The following CALN1 variants were observed in gnomAD, a reference collection of about 807,000 sequenced individuals.
CALN1 encodes calcium-binding protein 8.
In CALN1, 17 loss-of-function variants were observed where a neutral mutation model predicts 30.6. The observed-to-expected ratio is 0.56, with a 90% CI of 0.38 to 0.83. The LOEUF is 0.83. Ranked by LOEUF, CALN1 falls within the 40% of genes least tolerant of loss-of-function variation. CALN1 has a pLI of 0.00. For synonymous variants in CALN1, 156 were observed against 131.4 expected (o/e 1.19, Z -1.28); for missense variants, 291 against 354.9 (o/e 0.82, Z 1.45).
the CALN1 span, among the ~76,000 whole-genome samples, chr7:72,472,175 G>GAT: frequency 1.3e-5 from 2 of 152,122 alleles, no homozygotes; most frequent in Non-Finnish European, 2.9e-5. Context: ...CAGGAACATG[G>GAT]ATATTGAAAA....
chr7:72,424,498 C>T (rs958241424), intron 1 of CALN1, among the ~76,000 whole-genome samples: 1 of 152,158 alleles, frequency 6.6e-6, no homozygotes, highest in Non-Finnish European at 1.5e-5. Flanking sequence ...CATTTCAAGA[C>T]CATCTCATAC....
intron 2 of CALN1, among the ~76,000 whole-genome samples, chr7:72,382,701 G>C (rs765436132): frequency 6.6e-6 from 1 of 152,074 alleles, no homozygotes. Context: ...ACTTATACAT[G>C]AGAACATGCA....
At chr7:71,897,612 G>A (rs977331707) in intron 5 of CALN1, among the ~76,000 whole-genome samples, 1 of 152,188 alleles carries the variant, frequency 6.6e-6, no homozygotes, top group African/African-American at 2.4e-5. Flanking sequence ...GAAAAGGAAG[G>A]AAATTGAGCA....
chr7:72,241,559 A>T (rs999399545), intron 3 of CALN1, among the ~76,000 whole-genome samples: 1 of 152,106 alleles, frequency 6.6e-6, no homozygotes, highest in Non-Finnish European at 1.5e-5. Context: ...ATACAAAATT[A>T]GCCAGGCGTG....
chr7:72,015,815 T>C (rs1407684106), intron 5 of CALN1, among the ~76,000 whole-genome samples: 15 of 152,158 alleles, frequency 9.9e-5, no homozygotes, highest in Non-Finnish European at 2.2e-4. Context: ...TGAGAACCAC[T>C]GTTAACATGA....
At chr7:71,856,782 C>A (rs1358236416) in intron 5 of CALN1, among the ~76,000 whole-genome samples, 1 of 151,910 alleles carries the variant, frequency 6.6e-6, no homozygotes, top group Non-Finnish European at 1.5e-5. Context: ...TGGTGAAACC[C>A]CATCTCTACT....
At chr7:72,021,724 T>G (rs1800720011) in intron 5 of CALN1, among the ~76,000 whole-genome samples, 1 of 152,154 alleles carries the variant, frequency 6.6e-6, no homozygotes, top group Non-Finnish European at 1.5e-5. Context: ...GCACCTTCCC[T>G]CGGTGAGCTC....
intron 3 of CALN1, among the ~76,000 whole-genome samples, chr7:72,146,505 A>G (rs945161023): frequency 6.6e-6 from 1 of 152,192 alleles, no homozygotes; most frequent in Non-Finnish European, 1.5e-5. Flanking sequence ...ATGCTCATGG[A>G]TAGGAAGAAT....
chr7:71,971,853 G>A (rs1038049829), intron 5 of CALN1, among the ~76,000 whole-genome samples: 17 of 144,522 alleles, frequency 1.2e-4, no homozygotes, highest in Non-Finnish European at 2.4e-4. Context: ...AGCTGTGATT[G>A]CTCATAGCTC....
chr7:72,158,376 G>T (rs575123918), intron 3 of CALN1, among the ~76,000 whole-genome samples: 5 of 152,318 alleles, frequency 3.3e-5, no homozygotes, highest in African/African-American at 1.2e-4. Context: ...GTCCAGGCAG[G>T]AGATGAGTTT....
At chr7:72,285,495 G>A (rs947611423) in intron 2 of CALN1, among the ~76,000 whole-genome samples, 7 of 152,030 alleles carry the variant, frequency 4.6e-5, no homozygotes, top group East Asian at 1.9e-4. Flanking sequence ...TGCCCGCCTC[G>A]GCCTCCCAAA....
intron 2 of CALN1, among the ~76,000 whole-genome samples, chr7:72,388,675 CT>C (rs1805390843): frequency 6.6e-6 from 1 of 152,206 alleles, no homozygotes; most frequent in Admixed American, 6.5e-5. Flanking sequence ...TCTGTGCCCT[CT>C]CCCTAAAAGA....
chr7:72,073,776 T>TTCAACTTTCTGGAC (rs1469837263), intron 4 of CALN1, among the ~76,000 whole-genome samples: 1 of 151,902 alleles, frequency 6.6e-6, no homozygotes, highest in African/African-American at 2.4e-5. Flanking sequence ...TCACTGCAGT[T>TTCAACTTTCTGGAC]TCAACTTTCT....
chr7:72,412,291 G>C lies in CALN1; in HGVS notation c.-307C>G, dbSNP rs779412587. ...AAGCAGTAAGCTTTATTAAGAAGCA[G>C]GAAAGAAAAAAACACAAACTCAAGC... On this transcript the variant is annotated 5_prime_UTR_variant, in exon 1 of 7. Transcript: ENST00000395275. The C allele has an allele frequency of 6.6e-6, 1 of 152,096 alleles. No individual in the cohort carries two copies. Among genetic ancestry groups the C allele is most frequent in the Non-Finnish European group, 1.5e-5 (1 of 68,056 alleles). The allele number at this position is 152,096 out of a possible 1,614,324, so 9.4% of individuals were successfully genotyped here.
At chr7:71,911,401 G>T (rs1332816274) in intron 5 of CALN1, among the ~76,000 whole-genome samples, 1 of 152,094 alleles carries the variant, frequency 6.6e-6, no homozygotes, top group African/African-American at 2.4e-5. Context: ...AACCACGCTC[G>T]GTACTCATTG....
chr7:71,790,180 CAAAG>C lies in CALN1; in HGVS notation c.659-2282_659-2279del, dbSNP rs530499813. On this transcript the variant is annotated intron_variant, in intron 6 of 6. Coordinates refer to ENST00000395275, the MANE Select transcript of CALN1 (RefSeq NM_031468.4). ...AGAAAGAAAAAGAAAAAGAAAGAAT[CAAAG>C]AAAGAGAAAGAGAGAAACAAAGAAA... Among the ~76,000 whole-genome samples the C allele has an allele frequency of 4.4e-4, 60 of 135,450 alleles. No individual in the cohort carries two copies. The South Asian group carries it at 7.9e-3, about 18-fold the overall frequency. The allele number at this position is 135,450 out of a possible 152,430, so 88.9% of individuals were successfully genotyped here.
chr7:72,242,545 G>C (rs994162842), intron 3 of CALN1, among the ~76,000 whole-genome samples: 1 of 152,106 alleles, frequency 6.6e-6, no homozygotes, highest in Non-Finnish European at 1.5e-5. Context: ...AAAAGTAAAT[G>C]ATCATACCTT....
At chr7:72,298,882 G>A (rs535926994) in intron 2 of CALN1, among the ~76,000 whole-genome samples, 1 of 151,762 alleles carries the variant, frequency 6.6e-6, no homozygotes, top group South Asian at 2.1e-4. Flanking sequence ...TCCACGTCAA[G>A]TCGTGACTTG....
At chr7:71,818,032 T>C (rs1360422685) in intron 5 of CALN1, among the ~76,000 whole-genome samples, 1 of 152,044 alleles carries the variant, frequency 6.6e-6, no homozygotes, top group Non-Finnish European at 1.5e-5. Flanking sequence ...ATCCAACAAA[T>C]GGTTATTGGG....
Sources: allele counts gnomAD v4.1 joint callset (sites outside exome capture counted in the v4.1 genomes callset), GRCh38; gene constraint gnomAD v4.1.1; transcripts MANE v1.5; gene names NCBI Gene and HGNC (gene_info 2026-07-23, HGNC 2026-07-21).